Variants in ROR1 observed in about 807,000 individuals in gnomAD.
The protein encoded by ROR1 is inactive tyrosine-protein kinase transmembrane receptor ROR1.
A neutral mutation model predicts 78.8 loss-of-function variants in ROR1; 19 were observed. That is an observed-to-expected ratio of 0.24 (90% CI 0.17 to 0.35). ROR1 has a LOEUF of 0.35. Ranked by LOEUF, ROR1 falls within the 10% of genes least tolerant of loss-of-function variation. The pLI is 1.00. For missense variants in ROR1, 917 were observed against 1,177.8 expected (o/e 0.78, Z 3.24); for synonymous variants, 386 against 433.6 (o/e 0.89, Z 1.36).
At chr1:64,050,765 G>T (rs773236141) in intron 4 of ROR1, 49 bp downstream of exon 4, 1 of 1,577,050 alleles carries the variant, frequency 6.3e-7, no homozygotes, top group East Asian at 2.2e-5. Context: ...TTTCTCCGTG[G>T]TTTTCTAGGG....
chr1:64,040,748 G>A (rs533165725), intron 2 of ROR1, among the ~76,000 whole-genome samples: 37 of 152,232 alleles, frequency 2.4e-4, no homozygotes, highest in South Asian at 1.7e-3. Flanking sequence ...AATCCCATTC[G>A]TGAAGGTACC....
At chr1:63,871,997 A>G (rs556457158) in intron 1 of ROR1, among the ~76,000 whole-genome samples, 12 of 152,352 alleles carry the variant, frequency 7.9e-5, no homozygotes, top group Non-Finnish European at 1.3e-4. Flanking sequence ...TTTAACGCCA[A>G]TCTTATACTG....
At chr1:63,857,130 G>A (rs567504289) in intron 1 of ROR1, among the ~76,000 whole-genome samples, 2 of 150,892 alleles carry the variant, frequency 1.3e-5, no homozygotes, top group Admixed American at 6.6e-5. Context: ...AATTTTCAAA[G>A]TATCTGTTGT....
At chr1:63,973,784 A>G (rs1646136821) in intron 1 of ROR1, among the ~76,000 whole-genome samples, 2 of 152,322 alleles carry the variant, frequency 1.3e-5, no homozygotes, top group Non-Finnish European at 2.9e-5. Flanking sequence ...ATATGTGAAG[A>G]TTAGAAACCT....
chr1:63,863,224 T>C (rs1028580332), intron 1 of ROR1, among the ~76,000 whole-genome samples: 2 of 152,236 alleles, frequency 1.3e-5, no homozygotes, highest in African/African-American at 4.8e-5. Context: ...CAAAGAACAC[T>C]ATCACTTTAG....
intron 1 of ROR1, among the ~76,000 whole-genome samples, chr1:63,782,557 G>T (rs647103): frequency 0.098 from 7,449 of 76,298 alleles, 684 homozygotes; most frequent in African/African-American, 0.43. Flanking sequence ...TTTTTTTTTT[G>T]TTTTTTTTTT....
At chr1:64,154,724 C>A (rs974853259) in intron 7 of ROR1, among the ~76,000 whole-genome samples, 4 of 152,154 alleles carry the variant, frequency 2.6e-5, no homozygotes, top group Middle Eastern at 3.2e-3. Context: ...ATCATGTGAT[C>A]TGGACTAAGT....
chr1:64,034,242 TG>T, intron 2 of ROR1, among the ~76,000 whole-genome samples: 1 of 151,936 alleles, frequency 6.6e-6, no homozygotes, highest in Non-Finnish European at 1.5e-5. Flanking sequence ...CCATCAGTCC[TG>T]GGGGTTCTGA....
At chr1:64,058,462 C>T (rs984696832) in intron 4 of ROR1, among the ~76,000 whole-genome samples, 8 of 151,848 alleles carry the variant, frequency 5.3e-5, no homozygotes, top group South Asian at 2.1e-4. Flanking sequence ...ATGTTAGCTG[C>T]GTTTTTCCAT....
At chr1:63,793,213 AT>A (rs1644737507) in intron 1 of ROR1, among the ~76,000 whole-genome samples, 1 of 152,226 alleles carries the variant, frequency 6.6e-6, no homozygotes, top group Non-Finnish European at 1.5e-5. Context: ...GAAGGAAGTT[AT>A]CCCAAACTTC....
intron 7 of ROR1, among the ~76,000 whole-genome samples, chr1:64,154,305 G>A (rs12138590): frequency 0.27 from 41,127 of 152,210 alleles, 5,859 homozygotes; most frequent in East Asian, 0.36. Flanking sequence ...GCCCCTATGT[G>A]CTACCAACCT....
At chr1:63,884,637 T>G (rs1445462659) in intron 1 of ROR1, among the ~76,000 whole-genome samples, 1 of 152,210 alleles carries the variant, frequency 6.6e-6, no homozygotes, top group Non-Finnish European at 1.5e-5. Context: ...ATTTATTTAT[T>G]CAGAAATTCA....
intron 2 of ROR1, among the ~76,000 whole-genome samples, chr1:64,038,271 T>C (rs961199432): frequency 1.3e-5 from 2 of 152,160 alleles, no homozygotes; most frequent in East Asian, 3.9e-4. Context: ...CACTGGGTCT[T>C]GCCCACTCTG....
At chr1:63,981,433 A>G (rs1379159805) in intron 1 of ROR1, among the ~76,000 whole-genome samples, 1 of 152,082 alleles carries the variant, frequency 6.6e-6, no homozygotes, top group Non-Finnish European at 1.5e-5. Flanking sequence ...GAATGTCCCC[A>G]AGGCCCAGAT....
intron 1 of ROR1, among the ~76,000 whole-genome samples, chr1:63,941,595 A>G (rs373335440): frequency 1.3e-5 from 2 of 152,204 alleles, no homozygotes; most frequent in African/African-American, 4.8e-5. Flanking sequence ...AAGTGGGGAT[A>G]ACATAATATC....
chr1:64,006,219 A>G (rs1236900663), intron 1 of ROR1, among the ~76,000 whole-genome samples: 2 of 152,200 alleles, frequency 1.3e-5, no homozygotes, highest in African/African-American at 4.8e-5. Flanking sequence ...TTGCATGTAA[A>G]TGCTGTCAAG....
chr1:63,847,063 T>C (rs181534328), intron 1 of ROR1, among the ~76,000 whole-genome samples: 1 of 152,306 alleles, frequency 6.6e-6, no homozygotes, highest in East Asian at 1.9e-4. Context: ...AGAGGTCTTC[T>C]TCCACCTGAC....
intron 1 of ROR1, among the ~76,000 whole-genome samples, chr1:63,793,106 AT>A (rs544094650): frequency 7.9e-5 from 12 of 152,302 alleles, no homozygotes; most frequent in African/African-American, 2.9e-4. Context: ...TATTCTATGC[AT>A]TTGTCCCAGA....
At chr1:63,884,425 G>T (rs1645343447) in intron 1 of ROR1, among the ~76,000 whole-genome samples, 1 of 152,126 alleles carries the variant, frequency 6.6e-6, no homozygotes, top group African/African-American at 2.4e-5. Flanking sequence ...GGATACCACA[G>T]CTGAAAGGGA....
Sources: allele counts gnomAD v4.1 joint callset (sites outside exome capture counted in the v4.1 genomes callset), GRCh38; gene constraint gnomAD v4.1.1; transcripts MANE v1.5; gene names NCBI Gene and HGNC (gene_info 2026-07-23, HGNC 2026-07-21).